The following KDM4C variants were observed in gnomAD, a reference collection of about 807,000 sequenced individuals.
KDM4C encodes lysine-specific demethylase 4C.
Under a neutral mutation model 129.3 loss-of-function variants are expected in KDM4C, and 81 were observed. The observed-to-expected ratio is 0.63, with a 90% CI of 0.52 to 0.75. The LOEUF (loss-of-function observed/expected upper bound fraction) is 0.75, where lower values mean the gene tolerates loss of function less well. KDM4C is among the 30% of genes least tolerant of loss of function. The probability of loss-of-function intolerance (pLI) is 0.00; values close to 1 mark genes in which losing one functional copy is unlikely to be tolerated. For missense variants in KDM4C, 1,457 were observed against 1,304.0 expected (o/e 1.12, Z -1.81); for synonymous variants, 573 against 456.1 (o/e 1.26, Z -3.26).
intron 8 of KDM4C, among the ~76,000 whole-genome samples, chr9:6,945,363 A>G (rs1826773248): frequency 6.6e-6 from 1 of 152,226 alleles, no homozygotes; most frequent in South Asian, 2.1e-4. Flanking sequence ...AAATGTATAT[A>G]TAAATATTAT....
At chr9:7,016,929 A>G (rs1257399203) in intron 15 of KDM4C, among the ~76,000 whole-genome samples, 2 of 152,184 alleles carry the variant, frequency 1.3e-5, no homozygotes, top group Admixed American at 1.3e-4. Flanking sequence ...CTGTGTTCAT[A>G]TCCAGTGTTT....
intron 6 of KDM4C, among the ~76,000 whole-genome samples, chr9:6,881,504 G>A (rs1443780224): frequency 6.6e-6 from 1 of 152,142 alleles, no homozygotes; most frequent in African/African-American, 2.4e-5. Context: ...CTTCTTCTCT[G>A]TAATAAAATT....
intron 8 of KDM4C, among the ~76,000 whole-genome samples, chr9:6,932,699 T>G (rs962676464): frequency 6.6e-6 from 1 of 152,214 alleles, no homozygotes; most frequent in African/African-American, 2.4e-5. Context: ...TACTCCTTCA[T>G]TGGTTCTGAC....
chr9:6,979,992 G>A (rs989267922), intron 8 of KDM4C, among the ~76,000 whole-genome samples: 1 of 152,120 alleles, frequency 6.6e-6, no homozygotes, highest in African/African-American at 2.4e-5. Flanking sequence ...GTTTGGGTTT[G>A]GATATATTAA....
intron 2 of KDM4C, among the ~76,000 whole-genome samples, chr9:6,802,483 A>G (rs961596908): frequency 3.3e-5 from 5 of 152,232 alleles, no homozygotes; most frequent in African/African-American, 1.2e-4. Flanking sequence ...TAATAGCATT[A>G]TTTGCAATAG....
At chr9:6,749,974 G>A (rs1158871197) in intron 1 of KDM4C, among the ~76,000 whole-genome samples, 2 of 82,594 alleles carry the variant, frequency 2.4e-5, no homozygotes, top group African/African-American at 4.8e-5. Flanking sequence ...CAACAACAGT[G>A]AAACTCCTTC....
chr9:7,073,837 A>G (rs1318364753), intron 17 of KDM4C, among the ~76,000 whole-genome samples: 1 of 152,172 alleles, frequency 6.6e-6, no homozygotes, highest in Admixed American at 6.5e-5. Context: ...TTTGACAAAC[A>G]GTTGGTCTGT....
At chr9:6,721,582 C>T (rs971211382) in intron 1 of KDM4C, among the ~76,000 whole-genome samples, 2 of 141,364 alleles carry the variant, frequency 1.4e-5, no homozygotes, top group African/African-American at 5.6e-5. Flanking sequence ...CCATGCCCGG[C>T]CCTCTTTTTT....
intron 17 of KDM4C, among the ~76,000 whole-genome samples, chr9:7,058,680 A>G (rs921519095): frequency 2.6e-5 from 4 of 152,354 alleles, no homozygotes; most frequent in Non-Finnish European, 5.9e-5. Context: ...TGAAATTTAA[A>G]ATGGTTAATT....
At chr9:6,820,708 C>G (rs1353154869) in intron 4 of KDM4C, among the ~76,000 whole-genome samples, 1 of 110,064 alleles carries the variant, frequency 9.1e-6, no homozygotes, top group African/African-American at 3.6e-5. Context: ...ATCTCTCTCT[C>G]TCTCTCTTTT....
chr9:7,016,132 C>CT (rs747210107), intron 15 of KDM4C, among the ~76,000 whole-genome samples: 2,437 of 144,236 alleles, frequency 0.017, 30 homozygotes, highest in East Asian at 0.029. Flanking sequence ...AATTTATTTT[C>CT]TTTTTTTTTT....
At chr9:6,752,332 C>CAAAAAAAAAAAAAAAAAA (rs1159747148) in intron 1 of KDM4C, among the ~76,000 whole-genome samples, 1 of 19,258 alleles carries the variant, frequency 5.2e-5, no homozygotes, top group Non-Finnish European at 9.9e-5. Flanking sequence ...AACTCCGTCT[C>CAAAAAAAAAAAAAAAAAA]AAAAAAAAAA....
chr9:6,981,292 G>C (rs776547503), intron 9 of KDM4C, among the ~76,000 whole-genome samples, 174 bp downstream of exon 9: 1 of 152,130 alleles, frequency 6.6e-6, no homozygotes, highest in African/African-American at 2.4e-5. Context: ...ATACAATATA[G>C]GAAGAGATGT....
chr9:6,758,277 T>G lies in KDM4C; in HGVS notation c.-18+74T>G, dbSNP rs1000335934. ...AGAGGTCTTCCCGGCACTGCCCCCCTCCGCGTGGGGCACGGGGGTGCGGGC... is the reference window on the plus strand; with the variant it reads ...AGAGGTCTTCCCGGCACTGCCCCCCGCCGCGTGGGGCACGGGGGTGCGGGC... On this transcript the variant is annotated intron_variant, in intron 1 of 21. Transcript: ENST00000381309. The surrounding 1 kb of genome is among the most constrained non-coding windows in gnomAD (Gnocchi z 4.6). 6.9e-6 allele frequency: 6 copies of G among 868,936 alleles called. No individual in the cohort carries two copies. Among genetic ancestry groups the G allele is most frequent in the African/African-American group, 1.8e-5 (1 of 54,476 alleles). 53.8% of individuals were successfully genotyped at this position (868,936 alleles called of 1,614,324 possible).
chr9:6,899,546 T>G lies in KDM4C; in HGVS notation c.921+6314T>G, dbSNP rs879828520. On this transcript the variant is annotated intron_variant, in intron 8 of 21. Transcript: ENST00000381309. The stretch of plus-strand genomic sequence containing the variant: ...CCTCTGTGCCTTTTCCATGGGGGTG[T>G]GTGTGTGTGTGTGTGTGTGTGTGTT... Among the ~76,000 whole-genome samples the G allele has an allele frequency of 5.0e-3, 756 of 150,750 alleles. 4 individuals carry two copies. The highest frequency in any genetic ancestry group is 0.017 in the African/African-American group (712 of 41,128).
At chr9:6,953,381 C>G (rs1222162308) in intron 8 of KDM4C, among the ~76,000 whole-genome samples, 1 of 152,122 alleles carries the variant, frequency 6.6e-6, no homozygotes, top group Non-Finnish European at 1.5e-5. Flanking sequence ...CTGCTTTGAC[C>G]TATGGTTTGA....
chr9:7,170,245 A>C, intron 21 of KDM4C: 1 of 1,166,464 alleles, frequency 8.6e-7, no homozygotes, highest in Non-Finnish European at 1.1e-6. Flanking sequence ...GCAACATTAA[A>C]AGTATTCAGG....
chr9:6,904,158 G>C (rs941673200), intron 8 of KDM4C, among the ~76,000 whole-genome samples: 1 of 152,030 alleles, frequency 6.6e-6, no homozygotes, highest in Non-Finnish European at 1.5e-5. Flanking sequence ...AGAATTGCTT[G>C]AATTTGGGAG....
At chr9:6,918,419 T>G (rs1461580214) in intron 8 of KDM4C, among the ~76,000 whole-genome samples, 1 of 152,230 alleles carries the variant, frequency 6.6e-6, no homozygotes, top group Non-Finnish European at 1.5e-5. Context: ...TCCAGTCTAC[T>G]GTGGATGGGC....
Sources: gnomAD v4.1 joint callset for allele counts (sites outside exome capture counted in the v4.1 genomes callset) on GRCh38, gnomAD v4.1.1 for gene constraint, Gnocchi (gnomAD v3.1) non-coding constraint, MANE v1.5 for transcripts, NCBI Gene and HGNC (gene_info 2026-07-23, HGNC 2026-07-21) for gene names.